The following CDYL variants were observed in gnomAD, a reference collection of about 807,000 sequenced individuals.
CDYL encodes the protein chromodomain Y like, also known as chromodomain Y-like protein.
Under a neutral mutation model 47.3 loss-of-function variants are expected in CDYL, and 8 were observed. The observed-to-expected ratio is 0.17, with a 90% confidence interval of 0.10 to 0.31. The LOEUF (loss-of-function observed/expected upper bound fraction) is 0.31. CDYL is among the 10% of genes least tolerant of loss of function. CDYL has a pLI of 1.00. For missense variants in CDYL, 471 were observed against 701.4 expected (o/e 0.67, Z 3.71); for synonymous variants, 266 against 265.0 (o/e 1.00, Z -0.04).
chr6:4,748,505 G>A (rs1470580777), intron 3 of CDYL, among the ~76,000 whole-genome samples: 2 of 152,096 alleles, frequency 1.3e-5, no homozygotes, highest in Admixed American at 6.6e-5. Context: ...TGGAATAGGA[G>A]CAAAACAGGA....
At chr6:4,825,770 A>G (rs1759964283) in intron 1 of CDYL, among the ~76,000 whole-genome samples, 1 of 150,310 alleles carries the variant, frequency 6.7e-6, no homozygotes, top group African/African-American at 2.5e-5. Context: ...ATATTTGCCT[A>G]TTTGCTAAAA....
At chr6:4,949,247 CAG>C (rs1020643798) in intron 5 of CDYL, among the ~76,000 whole-genome samples, 8 of 152,358 alleles carry the variant, frequency 5.3e-5, no homozygotes, top group South Asian at 2.1e-4. Flanking sequence ...TTGCACCTCT[CAG>C]GGGCCTGCTG....
chr6:4,710,896 T>A, intron 1 of CDYL, among the ~76,000 whole-genome samples: 1 of 140,594 alleles, frequency 7.1e-6, no homozygotes, highest in Non-Finnish European at 1.5e-5. Flanking sequence ...TGGCAAAGAG[T>A]GTAGATTTCA....
chr6:4,750,453 C>T (rs563852450), intron 3 of CDYL, among the ~76,000 whole-genome samples: 2 of 152,274 alleles, frequency 1.3e-5, no homozygotes, highest in Admixed American at 1.3e-4. Context: ...CCACCTGCCT[C>T]AGCCTCCCAA....
At chr6:4,806,032 A>C (rs1351412390) in intron 1 of CDYL, among the ~76,000 whole-genome samples, 2 of 152,272 alleles carry the variant, frequency 1.3e-5, no homozygotes, top group African/African-American at 4.8e-5. Context: ...AGCTGAGAGC[A>C]GCGCAGCCTG....
intron 1 of CDYL, among the ~76,000 whole-genome samples, chr6:4,887,880 TTC>T (rs1286873822): frequency 1.3e-5 from 2 of 150,976 alleles, no homozygotes; most frequent in African/African-American, 4.9e-5. Context: ...GTTTACTGAC[TTC>T]TTTTTTTTTT....
At chr6:4,710,286 A>C (rs1757124239) in intron 1 of CDYL, among the ~76,000 whole-genome samples, 3 of 149,454 alleles carry the variant, frequency 2.0e-5, no homozygotes, top group Admixed American at 2.0e-4. Flanking sequence ...GCTGCTCTGC[A>C]GAAAGAGAAA....
At chr6:4,808,214 C>G (rs1039599085) in intron 1 of CDYL, among the ~76,000 whole-genome samples, 2 of 152,156 alleles carry the variant, frequency 1.3e-5, no homozygotes, top group African/African-American at 2.4e-5. Flanking sequence ...CGTTGCCTCT[C>G]GAACCTCTAG....
chr6:4,788,366 A>G (rs1197854843), intron 1 of CDYL, among the ~76,000 whole-genome samples: 3 of 150,996 alleles, frequency 2.0e-5, no homozygotes, highest in African/African-American at 7.3e-5. Flanking sequence ...GCCTGTAGTC[A>G]CAAGTACTCG....
intron 1 of CDYL, among the ~76,000 whole-genome samples, chr6:4,849,268 G>T (rs1321188848): frequency 6.6e-6 from 1 of 152,208 alleles, no homozygotes; most frequent in Non-Finnish European, 1.5e-5. Flanking sequence ...CATCTTGAAG[G>T]GGGCTTCATA....
intron 1 of CDYL, 37 bp from the exon 2 acceptor site, chr6:4,891,676 G>T (rs925893817): frequency 3.3e-6 from 5 of 1,527,148 alleles, no homozygotes; most frequent in Non-Finnish European, 4.4e-6. Context: ...CCCAAATTTT[G>T]ATTTTTTTAA....
At chr6:4,741,740 C>T (rs539632712) in intron 3 of CDYL, among the ~76,000 whole-genome samples, 13 of 152,236 alleles carry the variant, frequency 8.5e-5, no homozygotes, top group Middle Eastern at 3.4e-3. Context: ...CAGCAATGTG[C>T]CTGGGTGAAA....
rs181151116 is a variant in CDYL at position 4,750,194 on chromosome 6, A to G, written c.186+15350A>G. On this transcript the variant is annotated intron_variant, in intron 3 of 8. Transcript: ENST00000328908. The stretch of plus-strand genomic sequence containing the variant: ...TCCTTGCAAAAAAAAGTTTTTATTT[A>G]ATTTAATTTATTATTATTATTATTT... Among the ~76,000 whole-genome samples the G allele has an allele frequency of 2.6e-3, 400 of 151,724 alleles. 5 individuals are homozygous for G. Among genetic ancestry groups the G allele is most frequent in the Non-Finnish European group, 4.3e-3 (289 of 67,928 alleles).
intron 1 of CDYL, among the ~76,000 whole-genome samples, chr6:4,837,466 G>GTTT (rs367959545): frequency 7.3e-6 from 1 of 136,748 alleles, no homozygotes; most frequent in Admixed American, 7.3e-5. Context: ...TGTTGTCGTT[G>GTTT]TTTTTTTTTT....
rs1758307400 is a variant in CDYL, at chr6:4,769,684, G to A, written c.186+34840G>A. 2.0e-5 allele frequency among the ~76,000 whole-genome samples: 3 copies of A among 152,172 alleles called. 1 individual carries two copies. The South Asian group carries it at 6.2e-4, about 32-fold the overall frequency. On this transcript the variant is annotated intron_variant, in intron 3 of 8. Transcript: ENST00000328908. ...ATGTCCAGTGTGCCCACGGGGTGCTGGGCACTGTCTCTGGGGAAGCAGCAA... is the reference window on the plus strand; with the variant it reads ...ATGTCCAGTGTGCCCACGGGGTGCTAGGCACTGTCTCTGGGGAAGCAGCAA...
At chr6:4,903,627 A>G (rs891584054) in intron 2 of CDYL, among the ~76,000 whole-genome samples, 1 of 152,142 alleles carries the variant, frequency 6.6e-6, no homozygotes, top group African/African-American at 2.4e-5. Flanking sequence ...GTCCTTTCTC[A>G]CCAGCAGTCT....
chr6:4,837,247 C>T (rs1443858295), intron 1 of CDYL, among the ~76,000 whole-genome samples: 1 of 152,154 alleles, frequency 6.6e-6, no homozygotes, highest in African/African-American at 2.4e-5. Flanking sequence ...TATAATTTAT[C>T]ATTCAAATGG....
At chr6:4,787,434 G>A (rs143501409) in intron 1 of CDYL, among the ~76,000 whole-genome samples, 542 of 152,254 alleles carry the variant, frequency 3.6e-3, no homozygotes, top group Non-Finnish European at 5.1e-3. Flanking sequence ...ATCTAAATGT[G>A]CATTCCTCAG....
At chr6:4,868,496 T>A (rs1761383471) in intron 1 of CDYL, among the ~76,000 whole-genome samples, 1 of 152,184 alleles carries the variant, frequency 6.6e-6, no homozygotes, top group Non-Finnish European at 1.5e-5. Context: ...AGTTTGACTA[T>A]TATGTGTCCA....
Sources: gnomAD v4.1 joint callset for allele counts (sites outside exome capture counted in the v4.1 genomes callset) on GRCh38, gnomAD v4.1.1 for gene constraint, MANE v1.5 for transcripts, NCBI Gene and HGNC (gene_info 2026-07-23, HGNC 2026-07-21) for gene names.